ESPNL: variants seen among roughly 807,000 people sequenced by gnomAD.
ESPNL encodes espin like.
Under a neutral mutation model 46.8 loss-of-function variants are expected in ESPNL, and 49 were observed. That is an observed-to-expected ratio of 1.05 (90% CI 0.83 to 1.33). The LOEUF (loss-of-function observed/expected upper bound fraction) is 1.33, where lower values mean the gene tolerates loss of function less well. Ranked by LOEUF, ESPNL falls within the 40% of genes most tolerant of loss-of-function variation. The probability of loss-of-function intolerance (pLI) is 0.00; values close to 1 mark genes in which losing one functional copy is unlikely to be tolerated. For missense variants in ESPNL, 1,540 were observed against 1,436.6 expected, an observed-to-expected ratio of 1.07 and a Z score of -1.16; for synonymous variants, 664 against 662.1, an observed-to-expected ratio of 1.00 and a Z score of -0.04.
At chr2:238,123,796 TG>T (rs1339727182) in intron 5 of ESPNL, among the ~76,000 whole-genome samples, 1 of 152,150 alleles carries the variant, frequency 6.6e-6, no homozygotes, top group African/African-American at 2.4e-5. Flanking sequence ...TCCTGGGCTG[TG>T]GGCACAGATT....
chr2:238,102,701 G>A (rs912647500), intron 2 of ESPNL, among the ~76,000 whole-genome samples: 3 of 152,150 alleles, frequency 2.0e-5, no homozygotes, highest in Non-Finnish European at 4.4e-5. Context: ...CAGCCAGTAA[G>A]GCAGATGGCC....
intron 3 of ESPNL, among the ~76,000 whole-genome samples, chr2:238,107,047 G>A (rs527246250): frequency 4.1e-4 from 62 of 152,376 alleles, no homozygotes; most frequent in Middle Eastern, 3.4e-3. Context: ...AAGGCAGGAA[G>A]GAGGGTGAAG....
Position 238,131,823 on chromosome 2 carries a change from T to A in ESPNL, c.*91T>A. The A allele has an allele frequency of 7.0e-7, 1 of 1,429,116 alleles. No individual in the cohort carries two copies. Among genetic ancestry groups the A allele is most frequent in the African/African-American group, 1.4e-5 (1 of 70,096 alleles). The allele number at this position is 1,429,116 out of a possible 1,614,324, so 88.5% of individuals were successfully genotyped here. On this transcript the variant is annotated 3_prime_UTR_variant, in exon 9 of 9. Transcript: ENST00000343063. ...CTTGCTCACACCCTTGGTGTTCAGGTGAGCCGGGCAAGGCTGCCTCCAGTC... is the reference window on the plus strand; with the variant it reads ...CTTGCTCACACCCTTGGTGTTCAGGAGAGCCGGGCAAGGCTGCCTCCAGTC...
intron 4 of ESPNL, among the ~76,000 whole-genome samples, chr2:238,108,913 C>T (rs1214988572): frequency 2.6e-5 from 4 of 152,218 alleles, no homozygotes; most frequent in African/African-American, 9.7e-5. Context: ...GAGCCTTTGG[C>T]AGAATGCAGA....
chr2:238,129,980 G>A (rs999721755), intron 8 of ESPNL, 148 bp from the exon 9 acceptor site: 5 of 882,176 alleles, frequency 5.7e-6, no homozygotes, highest in Middle Eastern at 3.6e-4. Context: ...AGGGGCTTCT[G>A]CCCTAGCTGG....
intron 7 of ESPNL, 115 bp from the exon 8 acceptor site, chr2:238,128,592 G>A (rs1692195953): frequency 1.0e-6 from 1 of 953,300 alleles, no homozygotes; most frequent in Non-Finnish European, 1.6e-6. Flanking sequence ...CTCCTCTCAG[G>A]GCGCCCTGTT....
At chr2:238,102,170 G>A (rs1691501805) in intron 2 of ESPNL, 39 bp downstream of exon 2, 2 of 1,486,622 alleles carry the variant, frequency 1.3e-6, no homozygotes, top group African/African-American at 1.4e-5. Flanking sequence ...GGCAGCCTGG[G>A]GCGAGCTGGC....
chr2:238,124,130 C>G (rs889461138), intron 5 of ESPNL, among the ~76,000 whole-genome samples: 16 of 152,348 alleles, frequency 1.1e-4, no homozygotes, highest in Admixed American at 6.5e-4. Flanking sequence ...GGTCCCTCCC[C>G]CTCCCACGAC....
intron 2 of ESPNL, among the ~76,000 whole-genome samples, chr2:238,102,585 C>A (rs1302351177): frequency 6.6e-6 from 1 of 152,160 alleles, no homozygotes; most frequent in Non-Finnish European, 1.5e-5. Flanking sequence ...CTGCCCCACC[C>A]CTGTGCTGGG....
chr2:238,125,803 T>TGGAGTGGAGG, intron 6 of ESPNL, among the ~76,000 whole-genome samples: 1 of 150,116 alleles, frequency 6.7e-6, no homozygotes, highest in African/African-American at 2.5e-5. Flanking sequence ...TGGAGTGGAG[T>TGGAGTGGAGG]GGAGTGGAAT....
In ESPNL at chr2:238,131,901, C is replaced by T. The variant is rs1239550392; in HGVS notation, c.*169C>T. ...GTTCTGTTGTGGCATGGTTCTCCTC[C>T]GAGCTGGGACTCAGACTCCTTCTCA... On this transcript the variant is annotated 3_prime_UTR_variant, in exon 9 of 9. Transcript: ENST00000343063. 3 of 725,912 alleles carry T rather than the reference C, an allele frequency of 4.1e-6. No individual in the cohort carries two copies. Among genetic ancestry groups the T allele is most frequent in the Non-Finnish European group, 4.4e-6 (2 of 452,424 alleles). 45.0% of individuals were successfully genotyped at this position (725,912 alleles called of 1,614,324 possible). A position where few individuals can be genotyped will look rare whatever the true frequency, so the allele number is the denominator to read the frequency against.
intron 4 of ESPNL, among the ~76,000 whole-genome samples, chr2:238,116,359 C>T (rs543573980): frequency 6.6e-6 from 1 of 152,270 alleles, no homozygotes; most frequent in South Asian, 2.1e-4. Flanking sequence ...TGGGTAGGAG[C>T]ATGCAGTGTG....
intron 5 of ESPNL, among the ~76,000 whole-genome samples, chr2:238,122,214 C>T (rs1282679753): frequency 6.6e-6 from 1 of 152,248 alleles, no homozygotes; most frequent in Non-Finnish European, 1.5e-5. Context: ...GCCTCCAGAT[C>T]CCTGAGGCTC....
chr2:238,104,820 A>C lies in ESPNL; in HGVS notation c.650A>C (p.His217Pro). The C allele has an allele frequency of 6.5e-7, 1 of 1,541,576 alleles. No homozygotes were observed. The highest frequency in any genetic ancestry group is 8.7e-7 in the Non-Finnish European group (1 of 1,144,780). Reference protein sequence around the residue: ...SALHAAAARGHYSLVVWLVTF... With the variant: ...SALHAAAARGPYSLVVWLVTF... ...CTGCACGCTGCCGCCGCCCGTGGCC[A>C]CTACTCCCTCGTCGTCTGGCTGGTA... Residue 217 changes from histidine (H) to proline (P), a missense_variant, in exon 3 of 9, where the codon CAC (histidine) becomes CCC (proline). Coordinates refer to ENST00000343063, the MANE Select transcript of ESPNL (RefSeq NM_194312.4).
chr2:238,129,601 C>T (rs1205166897), intron 8 of ESPNL, among the ~76,000 whole-genome samples: 3 of 152,290 alleles, frequency 2.0e-5, no homozygotes, highest in East Asian at 1.9e-4. Context: ...TTAACAGGCT[C>T]CCCGGGCTGC....
At chr2:238,126,368 G>GTC (rs1463679499) in intron 6 of ESPNL, among the ~76,000 whole-genome samples, 1 of 105,510 alleles carries the variant, frequency 9.5e-6, no homozygotes, top group Non-Finnish European at 1.8e-5. Context: ...GTGTCTGTGT[G>GTC]TGTCTTTGTG....
intron 2 of ESPNL, 67 bp downstream of exon 2, chr2:238,102,198 A>G (rs1479584709): frequency 5.2e-5 from 71 of 1,360,688 alleles, no homozygotes; most frequent in Non-Finnish European, 6.8e-5. Context: ...AGGCTGCACC[A>G]TGGAGGGCCA....
chr2:238,131,337 C>T lies in ESPNL; in HGVS notation c.2623C>T (p.Arg875Trp), dbSNP rs773120691. The part of the protein sequence containing the change: ...LLECDLPAEE[R>W]KLRHLLCFEV... Reference sequence around the variant, plus strand: ...GGAGTGCGACCTGCCGGCGGAGGAGCGGAAGCTGCGCCACCTGCTGTGCTT... The same window carrying T: ...GGAGTGCGACCTGCCGGCGGAGGAGTGGAAGCTGCGCCACCTGCTGTGCTT... Residue 875 changes from arginine to tryptophan, a missense_variant, in exon 9 of 9, where the codon CGG (arginine) becomes TGG (tryptophan). Coordinates refer to ENST00000343063, the MANE Select transcript of ESPNL (RefSeq NM_194312.4). The T allele has an allele frequency of 5.0e-6, 8 of 1,591,648 alleles. No homozygotes were observed. Among genetic ancestry groups the T allele is most frequent in the South Asian group, 3.4e-5 (3 of 88,372 alleles).
intron 8 of ESPNL, 138 bp from the exon 9 acceptor site, chr2:238,129,990 G>A (rs1692248644): frequency 1.1e-6 from 1 of 952,304 alleles, no homozygotes; most frequent in Non-Finnish European, 1.5e-6. Flanking sequence ...GCCCTAGCTG[G>A]GAAGCCCTTT....
Sources: allele counts gnomAD v4.1 joint callset (sites outside exome capture counted in the v4.1 genomes callset), GRCh38; gene constraint gnomAD v4.1.1; transcripts MANE v1.5; gene names NCBI Gene and HGNC (gene_info 2026-07-23, HGNC 2026-07-21).